OPCML: variants seen among roughly 807,000 people sequenced by gnomAD.
OPCML encodes the protein opioid binding protein/cell adhesion molecule like.
Under a neutral mutation model 37.8 loss-of-function variants are expected in OPCML, and 13 were observed. The observed-to-expected ratio is 0.34, with a 90% CI of 0.22 to 0.55. The LOEUF is 0.55. Ranked by LOEUF, OPCML falls within the 20% of genes least tolerant of loss-of-function variation. The pLI is 0.91. For synonymous variants in OPCML, 176 were observed against 168.8 expected, an observed-to-expected ratio of 1.04 and a Z score of -0.33; for missense variants, 341 against 435.6, an observed-to-expected ratio of 0.78 and a Z score of 1.93.
At chr11:133,147,897 A>G (rs1949920177) in intron 1 of OPCML, among the ~76,000 whole-genome samples, 1 of 152,042 alleles carries the variant, frequency 6.6e-6, no homozygotes, top group Non-Finnish European at 1.5e-5. Flanking sequence ...TTAACTCAAA[A>G]TTGCCCCGTT....
chr11:133,048,027 C>T (rs1295647893), intron 1 of OPCML, among the ~76,000 whole-genome samples: 4 of 152,078 alleles, frequency 2.6e-5, no homozygotes, highest in Non-Finnish European at 5.9e-5. Context: ...GTGCCCACTG[C>T]CTTCCTGCCC....
chr11:133,081,056 T>C (rs1195297129), intron 1 of OPCML, among the ~76,000 whole-genome samples: 1 of 152,124 alleles, frequency 6.6e-6, no homozygotes, highest in Non-Finnish European at 1.5e-5. Context: ...ATTGGAAGTG[T>C]TAGAATTGGA....
intron 3 of OPCML, among the ~76,000 whole-genome samples, chr11:132,656,329 C>G (rs1017842256): frequency 1.3e-5 from 2 of 152,176 alleles, no homozygotes; most frequent in African/African-American, 4.8e-5. Context: ...ATCTGAGAAT[C>G]TGACATTTCT....
chr11:133,289,889 G>A (rs2136535075), intron 1 of OPCML, among the ~76,000 whole-genome samples: 2 of 152,280 alleles, frequency 1.3e-5, no homozygotes, highest in South Asian at 4.1e-4. Flanking sequence ...GGTCTGCACA[G>A]GTGCTGGGGG....
chr11:133,233,026 G>A (rs1940345012), intron 1 of OPCML, among the ~76,000 whole-genome samples: 1 of 152,108 alleles, frequency 6.6e-6, no homozygotes, highest in African/African-American at 2.4e-5. Context: ...CTTTTTTGGG[G>A]GGTGGGTCTT....
chr11:133,283,537 A>T (rs1423636365), intron 1 of OPCML, among the ~76,000 whole-genome samples: 1 of 151,978 alleles, frequency 6.6e-6, no homozygotes, highest in Non-Finnish European at 1.5e-5. Context: ...GACCAATGAA[A>T]CCTCTTTCCT....
Position 133,177,370 on chromosome 11 carries a change from C to A in OPCML, c.62-234360G>T. Among the ~76,000 whole-genome samples the A allele has an allele frequency of 6.6e-6, 1 of 152,144 alleles. No homozygotes were observed. Among genetic ancestry groups the A allele is most frequent in the Non-Finnish European group, 1.5e-5 (1 of 68,034 alleles). ...GAGAGGGCTATAAATTCTGGCAGAACCCTGAGGAAATCAGTAATCTTGAAC... is the reference window on the plus strand; with the variant it reads ...GAGAGGGCTATAAATTCTGGCAGAAACCTGAGGAAATCAGTAATCTTGAAC... On this transcript the variant is annotated intron_variant, in intron 1 of 7. Coordinates refer to ENST00000524381, the MANE Select transcript of OPCML (RefSeq NM_001012393.5). The surrounding 1 kb of genome is among the most constrained non-coding windows in gnomAD (Gnocchi z 5.0).
At chr11:132,783,353 TG>T (rs896874485) in intron 2 of OPCML, among the ~76,000 whole-genome samples, 12 of 152,148 alleles carry the variant, frequency 7.9e-5, no homozygotes, top group Non-Finnish European at 1.5e-4. Flanking sequence ...TTTGCTTTAG[TG>T]GGGTTAAGTC....
At chr11:133,226,646 C>T (rs541168153) in intron 1 of OPCML, among the ~76,000 whole-genome samples, 1 of 152,314 alleles carries the variant, frequency 6.6e-6, no homozygotes, top group Admixed American at 6.5e-5. Flanking sequence ...AAATGGCAAG[C>T]AAGCCCCGAA....
intron 1 of OPCML, among the ~76,000 whole-genome samples, chr11:133,172,692 G>A (rs1282953297): frequency 6.6e-6 from 1 of 152,146 alleles, no homozygotes; most frequent in African/African-American, 2.4e-5. Context: ...AGAAAACTCA[G>A]TCCTTTTTTT....
intron 4 of OPCML, among the ~76,000 whole-genome samples, chr11:132,511,712 A>C (rs1009280572): frequency 6.6e-6 from 1 of 152,138 alleles, no homozygotes; most frequent in Non-Finnish European, 1.5e-5. Flanking sequence ...AAAAAAAATG[A>C]ATCTCAAATG....
chr11:132,798,926 G>C (rs895491617), intron 2 of OPCML, among the ~76,000 whole-genome samples: 1 of 152,184 alleles, frequency 6.6e-6, no homozygotes, highest in African/African-American at 2.4e-5. Context: ...AGTCTCAACT[G>C]TGGGTTCAAA....
chr11:133,307,014 A>C (rs1268886778), intron 1 of OPCML, among the ~76,000 whole-genome samples: 3 of 152,168 alleles, frequency 2.0e-5, no homozygotes, highest in Non-Finnish European at 4.4e-5. Flanking sequence ...TCTTTAAGAA[A>C]CATTCAATAA....
At chr11:133,461,889 A>C (rs1057219972) in intron 1 of OPCML, among the ~76,000 whole-genome samples, 16 of 151,974 alleles carry the variant, frequency 1.1e-4, no homozygotes, top group African/African-American at 3.9e-4. Flanking sequence ...CTTACTATAA[A>C]GCTTTGGTAG....
rs568573934 is a variant in OPCML at position 133,463,058 on chromosome 11, G to A, written c.61+69206C>T. On this transcript the variant is annotated intron_variant, in intron 1 of 7. Transcript: ENST00000524381. Reference sequence around the variant, plus strand: ...AGCCTGGATAAAACGTTAAGGCGCTGTCTAAGCAAAATAAGCCAGCCACAA... The same window carrying A: ...AGCCTGGATAAAACGTTAAGGCGCTATCTAAGCAAAATAAGCCAGCCACAA... 1.6e-4 allele frequency among the ~76,000 whole-genome samples: 23 copies of A among 141,898 alleles called. No homozygotes were observed. The South Asian group carries it at 4.7e-3, about 29-fold the overall frequency. 93.1% of individuals were successfully genotyped at this position (141,898 alleles called of 152,430 possible).
chr11:133,160,110 G>A (rs565075518), intron 1 of OPCML, among the ~76,000 whole-genome samples: 1 of 152,168 alleles, frequency 6.6e-6, no homozygotes, highest in Non-Finnish European at 1.5e-5. Flanking sequence ...TCAGAAATTC[G>A]AAAGTATCCT....
At chr11:132,907,150 G>A (rs75715590) in intron 2 of OPCML, among the ~76,000 whole-genome samples, 16,457 of 152,048 alleles carry the variant, frequency 0.11, 1,215 homozygotes, top group African/African-American at 0.19. Context: ...TTCTATCTAC[G>A]TCACTGACTC....
chr11:132,912,804 C>T (rs938600980), intron 2 of OPCML, among the ~76,000 whole-genome samples: 29 of 152,190 alleles, frequency 1.9e-4, no homozygotes, highest in African/African-American at 6.0e-4. Context: ...CTGGTTAATA[C>T]ATCTTGACTT....
rs182238268 is a variant in OPCML at position 132,713,987 on chromosome 11, G to A, written c.147-56668C>T. Among the ~76,000 whole-genome samples the A allele has an allele frequency of 6.6e-5, 10 of 152,204 alleles. No homozygotes were observed. The East Asian group carries it at 1.9e-3, about 29-fold the overall frequency. Reference sequence around the variant, plus strand: ...ACAACCTAAGTAAACAGTAATAGAGGATGGGCTAATTATGTTATATTCCCA... The same window carrying A: ...ACAACCTAAGTAAACAGTAATAGAGAATGGGCTAATTATGTTATATTCCCA... On this transcript the variant is annotated intron_variant, in intron 2 of 7. Coordinates refer to ENST00000524381, the MANE Select transcript of OPCML (RefSeq NM_001012393.5).
Sources: allele counts gnomAD v4.1 joint callset (sites outside exome capture counted in the v4.1 genomes callset), GRCh38; gene constraint gnomAD v4.1.1; non-coding constraint Gnocchi (gnomAD v3.1); transcripts MANE v1.5; gene names NCBI Gene and HGNC (gene_info 2026-07-23, HGNC 2026-07-21).